Variants in MIS18BP1 observed in about 807,000 individuals in gnomAD.
MIS18BP1 encodes mis18-binding protein 1.
MIS18BP1 carries 72 observed loss-of-function variants against 116.1 expected under a neutral mutation model. The ratio of observed to expected loss-of-function variants is 0.62; its 90% CI spans 0.51 to 0.75. The LOEUF is 0.75. Ranked by LOEUF, MIS18BP1 falls within the 30% of genes least tolerant of loss-of-function variation. The pLI is 0.00. For synonymous variants in MIS18BP1, 386 were observed against 427.0 expected (o/e 0.90, Z 1.18); for missense variants, 1,363 against 1,303.2 (o/e 1.05, Z -0.71).
At chr14:45,248,061 T>G (rs909569099) in intron 1 of MIS18BP1, among the ~76,000 whole-genome samples, 2 of 149,972 alleles carry the variant, frequency 1.3e-5, no homozygotes, top group Admixed American at 6.6e-5. Context: ...TTTCGTTTTT[T>G]TTTTTTTTTT....
chr14:45,215,270 T>C (rs1890784122), intron 13 of MIS18BP1, among the ~76,000 whole-genome samples: 1 of 152,128 alleles, frequency 6.6e-6, no homozygotes, highest in African/African-American at 2.4e-5. Flanking sequence ...TTATAAAGCA[T>C]TGTGTAGCCT....
At chr14:45,216,751 A>G (rs1169830389) in intron 13 of MIS18BP1, among the ~76,000 whole-genome samples, 2 of 152,234 alleles carry the variant, frequency 1.3e-5, no homozygotes, top group African/African-American at 4.8e-5. Context: ...GTAGTATATT[A>G]AACTTTAAAT....
At chr14:45,250,304 T>C (rs1249810447) in intron 1 of MIS18BP1, among the ~76,000 whole-genome samples, 1 of 152,190 alleles carries the variant, frequency 6.6e-6, no homozygotes, top group African/African-American at 2.4e-5. Flanking sequence ...TCGTCTACAA[T>C]TTCCTCTGAC....
Position 45,246,845 on chromosome 14 carries a change from A to G in MIS18BP1, c.442T>C (p.Phe148Leu). The change falls in exon 2 of 17, where the codon TTC becomes CTC. Residue 148 changes from phenylalanine (F) to leucine (L), a missense_variant. Physicochemically the swap from Phe to Leu is conservative, Grantham distance 22. Coordinates refer to ENST00000310806, the MANE Select transcript of MIS18BP1 (RefSeq NM_018353.5). Reference protein sequence around the residue: ...EPQKSGNNETFTPNRVEKKKL... With the variant: ...EPQKSGNNETLTPNRVEKKKL... ...TTTTTTTCAACTCTGTTAGGAGTGAAGGTTTCATTATTTCCACTTTTCTGT... is the reference window on the plus strand; with the variant it reads ...TTTTTTTCAACTCTGTTAGGAGTGAGGGTTTCATTATTTCCACTTTTCTGT... The G allele has an allele frequency of 5.6e-6, 9 of 1,611,402 alleles. No homozygotes were observed. The highest frequency in any genetic ancestry group is 7.6e-6 in the Non-Finnish European group (9 of 1,179,414).
intron 3 of MIS18BP1, 43 bp from the exon 4 acceptor site, chr14:45,242,561 A>C: frequency 1.3e-6 from 2 of 1,532,842 alleles, no homozygotes; most frequent in South Asian, 1.3e-5. Context: ...CAATTATAGA[A>C]GGATCACAGG....
chr14:45,231,276 T>C lies in MIS18BP1; in HGVS notation c.1459A>G (p.Lys487Glu), dbSNP rs1434804541. ...CCAGTTTTCTGTTTTTGTTTGGTCT[T>C]TTCCCTGTTCTTTTCACCAGCCCTT... ...QLRAGEKNRE[K>E]TKQKQKTGRS... The change falls in exon 8 of 17, where the codon AAG becomes GAG. Residue 487 changes from lysine (K) to glutamate (E), a missense_variant. By Grantham distance (56) the Lys-to-Glu change is moderately conservative. Transcript: ENST00000310806. 1 of 1,610,514 alleles carries C rather than the reference T, an allele frequency of 6.2e-7. No individual in the cohort carries two copies. Among genetic ancestry groups the C allele is most frequent in the Non-Finnish European group, 8.5e-7 (1 of 1,178,502 alleles).
intron 11 of MIS18BP1, among the ~76,000 whole-genome samples, chr14:45,223,300 C>G (rs573708331): frequency 6.6e-6 from 1 of 152,154 alleles, no homozygotes; most frequent in Non-Finnish European, 1.5e-5. Flanking sequence ...CTTGTTAGGC[C>G]GGGCACGGTG....
intron 2 of MIS18BP1, among the ~76,000 whole-genome samples, chr14:45,246,198 T>C: frequency 6.6e-6 from 1 of 152,344 alleles, no homozygotes; most frequent in African/African-American, 2.4e-5. Context: ...TGGCTTATTC[T>C]GCTCACAGTA....
At chr14:45,214,739 T>C (rs550185068) in intron 13 of MIS18BP1, among the ~76,000 whole-genome samples, 2 of 152,346 alleles carry the variant, frequency 1.3e-5, no homozygotes, top group Admixed American at 1.3e-4. Flanking sequence ...ATTTCTACTT[T>C]AGTTCTGTTC....
intron 14 of MIS18BP1, among the ~76,000 whole-genome samples, chr14:45,208,291 A>C (rs925697518): frequency 1.3e-5 from 2 of 151,336 alleles, no homozygotes; most frequent in Non-Finnish European, 2.9e-5. Flanking sequence ...TATTTCCTTA[A>C]AGTGTCTAAT....
intron 2 of MIS18BP1, among the ~76,000 whole-genome samples, chr14:45,244,933 C>T (rs1428730026): frequency 6.6e-6 from 1 of 152,182 alleles, no homozygotes; most frequent in African/African-American, 2.4e-5. Context: ...TGAAGGGCAT[C>T]ATACTAGCAA....
At chr14:45,234,869 T>C (rs944033568) in intron 6 of MIS18BP1, among the ~76,000 whole-genome samples, 2 of 152,232 alleles carry the variant, frequency 1.3e-5, no homozygotes, top group Non-Finnish European at 2.9e-5. Flanking sequence ...TTAAATGATA[T>C]TCTTATAACA....
intron 9 of MIS18BP1, 97 bp downstream of exon 9, chr14:45,227,565 AC>A: frequency 6.8e-5 from 71 of 1,042,796 alleles, no homozygotes; most frequent in South Asian, 1.7e-4. Flanking sequence ...AAAAAAAAAA[AC>A]AGAACTCACG....
rs776043975 is a variant in MIS18BP1, at chr14:45,224,463, A to G, written c.2124T>C (p.Ser708=). 1 of 1,613,520 alleles carries G rather than the reference A, an allele frequency of 6.2e-7. No individual in the cohort carries two copies. Among genetic ancestry groups the G allele is most frequent in the Non-Finnish European group, 8.5e-7 (1 of 1,179,894 alleles). Residue 708 remains serine (S), a synonymous_variant, in exon 11 of 17, where the codon AGT becomes AGC. Coordinates refer to ENST00000310806, the MANE Select transcript of MIS18BP1 (RefSeq NM_018353.5). ...GTTCATCGCAATCTTCCTTGTTTTT[A>G]CTTTTATGACCTTCAAATGTATTTT... ...TLENTFEGHK[S]KNKEDCDERD...
chr14:45,251,249 T>C (rs1311139004), intron 1 of MIS18BP1, among the ~76,000 whole-genome samples: 1 of 152,134 alleles, frequency 6.6e-6, no homozygotes, highest in Admixed American at 6.5e-5. Flanking sequence ...CAGTATTCAG[T>C]AAAGTAACAT....
At chr14:45,240,539 T>C (rs1891547674) in intron 4 of MIS18BP1, among the ~76,000 whole-genome samples, 1 of 151,992 alleles carries the variant, frequency 6.6e-6, no homozygotes, top group East Asian at 1.9e-4. Flanking sequence ...CTCCAATATG[T>C]TTCCAGCACA....
At chr14:45,211,022 C>A (rs1890660042) in intron 13 of MIS18BP1, among the ~76,000 whole-genome samples, 1 of 152,178 alleles carries the variant, frequency 6.6e-6, no homozygotes, top group Non-Finnish European at 1.5e-5. Context: ...AGCGTGGCTT[C>A]AAACCATGTT....
At chr14:45,226,374 T>C (rs1389147785) in intron 10 of MIS18BP1, among the ~76,000 whole-genome samples, 2 of 152,194 alleles carry the variant, frequency 1.3e-5, no homozygotes, top group Admixed American at 1.3e-4. Context: ...AATTATGGCA[T>C]GCAGGATTCC....
intron 3 of MIS18BP1, 44 bp downstream of exon 3, chr14:45,242,717 A>G (rs780373006): frequency 6.5e-7 from 1 of 1,533,376 alleles, no homozygotes; most frequent in South Asian, 1.2e-5. Context: ...ACATTTAACA[A>G]TATACTTAAG....
Sources: gnomAD v4.1 joint callset for allele counts (sites outside exome capture counted in the v4.1 genomes callset) on GRCh38, gnomAD v4.1.1 for gene constraint, MANE v1.5 for transcripts, NCBI Gene and HGNC (gene_info 2026-07-23, HGNC 2026-07-21) for gene names.